The following CDH13 variants were observed in gnomAD, a reference collection of about 807,000 sequenced individuals.
The protein encoded by CDH13 is cadherin-13.
Under a neutral mutation model 63.8 loss-of-function variants are expected in CDH13, and 24 were observed. The observed-to-expected ratio is 0.38, with a 90% CI of 0.27 to 0.53. The LOEUF is 0.53. CDH13 is among the 20% of genes least tolerant of loss of function. The pLI, the probability that CDH13 is intolerant of heterozygous loss-of-function variation, is 0.85. For missense variants in CDH13, 1,049 were observed against 903.1 expected, an observed-to-expected ratio of 1.16 and a Z score of -2.07; for synonymous variants, 503 against 355.3, an observed-to-expected ratio of 1.42 and a Z score of -4.67.
intron 3 of CDH13, among the ~76,000 whole-genome samples, chr16:83,041,321 T>G (rs1917312285): frequency 6.6e-6 from 1 of 152,144 alleles, no homozygotes; most frequent in Non-Finnish European, 1.5e-5. Flanking sequence ...TTGTTCATCA[T>G]CGTTGCAAAC....
At chr16:82,877,215 T>C (rs1331941899) in intron 2 of CDH13, among the ~76,000 whole-genome samples, 2 of 152,208 alleles carry the variant, frequency 1.3e-5, no homozygotes, top group Non-Finnish European at 2.9e-5. Flanking sequence ...GATTTAAGAT[T>C]GTTAGACATA....
In CDH13 at chr16:83,088,538, A is replaced by G. The variant is rs1293243083; in HGVS notation, c.367-36847A>G. Among the ~76,000 whole-genome samples, 5 of 152,310 alleles carry G rather than the reference A, an allele frequency of 3.3e-5. No homozygotes were observed. In the East Asian group the frequency reaches 9.6e-4, roughly 29 times the overall value. The stretch of plus-strand genomic sequence containing the variant: ...CTTAGGTCCAAAAGCCGTTTCTGAT[A>G]CAGCCTTGGGCAAGCTGGTTCCTTC... On this transcript the variant is annotated intron_variant, in intron 3 of 13. Coordinates refer to ENST00000567109, the MANE Select transcript of CDH13 (RefSeq NM_001257.5).
intron 2 of CDH13, among the ~76,000 whole-genome samples, chr16:82,923,564 C>A (rs1389757118): frequency 1.3e-5 from 2 of 152,144 alleles, no homozygotes; most frequent in African/African-American, 4.8e-5. Context: ...GGGCATCAGA[C>A]AAACCATAGT....
At chr16:82,685,729 G>T (rs902644165) in intron 1 of CDH13, among the ~76,000 whole-genome samples, 2 of 152,162 alleles carry the variant, frequency 1.3e-5, no homozygotes, top group African/African-American at 2.4e-5. Context: ...GGCAGCTTTC[G>T]CTTCAGTTGG....
At chr16:83,323,961 C>G (rs891552791) in intron 5 of CDH13, among the ~76,000 whole-genome samples, 1 of 152,104 alleles carries the variant, frequency 6.6e-6, no homozygotes, top group Non-Finnish European at 1.5e-5. Context: ...ACAATTCACC[C>G]ATTGAAAGTG....
chr16:83,416,562 C>T (rs2071556026), intron 6 of CDH13, among the ~76,000 whole-genome samples: 1 of 152,150 alleles, frequency 6.6e-6, no homozygotes. Flanking sequence ...CTGCCATGCC[C>T]ACAGGTCGAG....
Position 83,321,619 on chromosome 16 carries a change from C to T in CDH13, c.637-23243C>T, listed in dbSNP as rs557766728. 4.8e-5 allele frequency among the ~76,000 whole-genome samples: 7 copies of T among 145,712 alleles called. No homozygotes were observed. In the East Asian group the frequency reaches 1.3e-3, roughly 27 times the overall value. Reference sequence around the variant, plus strand: ...TCTTGGCTCACTGCCAGCTCCACATCCTGGGTTCACAACATTCTCCTGCCT... The same window carrying T: ...TCTTGGCTCACTGCCAGCTCCACATTCTGGGTTCACAACATTCTCCTGCCT... On this transcript the variant is annotated intron_variant, in intron 5 of 13. Coordinates refer to ENST00000567109, the MANE Select transcript of CDH13 (RefSeq NM_001257.5).
Position 82,797,774 on chromosome 16 carries a change from CGTGTGT to C in CDH13, c.46-60559_46-60554del, listed in dbSNP as rs3046484. 6.9e-4 allele frequency among the ~76,000 whole-genome samples: 100 copies of C among 145,636 alleles called. 1 individual carries two copies. Among genetic ancestry groups the C allele is most frequent in the African/African-American group, 8.1e-4 (32 of 39,476 alleles). ...AAGGGCCCATGTATGACTTTAGGGC[CGTGTGT>C]GTGTGTGTGTGTGTGTGTGTGTGTG... On this transcript the variant is annotated intron_variant, in intron 1 of 13. Transcript: ENST00000567109.
At chr16:83,294,390 C>A (rs1374387907) in intron 5 of CDH13, among the ~76,000 whole-genome samples, 1 of 152,126 alleles carries the variant, frequency 6.6e-6, no homozygotes, top group Non-Finnish European at 1.5e-5. Flanking sequence ...CCTAACAACT[C>A]CCAATTCCCT....
At chr16:82,647,777 G>C (rs1910268715) in intron 1 of CDH13, among the ~76,000 whole-genome samples, 2 of 152,204 alleles carry the variant, frequency 1.3e-5, no homozygotes, top group African/African-American at 2.4e-5. Context: ...GAAGAGACAG[G>C]AGCTTGGGGT....
intron 7 of CDH13, among the ~76,000 whole-genome samples, chr16:83,489,563 C>T (rs2073963354): frequency 6.6e-6 from 1 of 152,150 alleles, no homozygotes; most frequent in African/African-American, 2.4e-5. Context: ...GAACGTGATT[C>T]CAAGTTCTTG....
At chr16:82,948,227 C>G (rs1335626127) in intron 2 of CDH13, among the ~76,000 whole-genome samples, 3 of 152,120 alleles carry the variant, frequency 2.0e-5, no homozygotes, top group Non-Finnish European at 4.4e-5. Flanking sequence ...CCCAAATCTG[C>G]TTTCTAAATT....
At chr16:83,034,486 C>T (rs1339616166) in intron 3 of CDH13, among the ~76,000 whole-genome samples, 1 of 152,180 alleles carries the variant, frequency 6.6e-6, no homozygotes, top group Non-Finnish European at 1.5e-5. Context: ...CTTACTTAGC[C>T]ATGACCAATG....
intron 1 of CDH13, among the ~76,000 whole-genome samples, chr16:82,734,806 A>G (rs980013473): frequency 3.9e-5 from 6 of 152,194 alleles, no homozygotes; most frequent in Non-Finnish European, 7.3e-5. Flanking sequence ...TTTCAATGGC[A>G]ACAACAGTTA....
chr16:83,008,472 G>A (rs1033307667), intron 2 of CDH13, among the ~76,000 whole-genome samples: 2 of 152,206 alleles, frequency 1.3e-5, no homozygotes, highest in East Asian at 1.9e-4. Flanking sequence ...CAGTGGGGCC[G>A]AGTGACTGAG....
Position 83,233,516 on chromosome 16 carries a change from A to T in CDH13, c.636+16019A>T, listed in dbSNP as rs911910600. Among the ~76,000 whole-genome samples, 24 of 152,176 alleles carry T rather than the reference A, an allele frequency of 1.6e-4. 1 individual carries two copies. Among genetic ancestry groups the T allele is most frequent in the Non-Finnish European group, 2.9e-5 (2 of 68,022 alleles). ...AGGTCAGAAGTCCGACATGGTTCTC[A>T]CTGGGCTAAAACCAAGCTGTGGGCA... On this transcript the variant is annotated intron_variant, in intron 5 of 13. Transcript: ENST00000567109.
intron 12 of CDH13, among the ~76,000 whole-genome samples, chr16:83,781,703 T>TA (rs1226840131): frequency 6.6e-6 from 1 of 152,140 alleles, no homozygotes; most frequent in Non-Finnish European, 1.5e-5. Flanking sequence ...TTTATGGCTA[T>TA]AGCCTATTTG....
At chr16:82,968,025 C>T (rs1230525828) in intron 2 of CDH13, among the ~76,000 whole-genome samples, 2 of 152,228 alleles carry the variant, frequency 1.3e-5, no homozygotes, top group African/African-American at 4.8e-5. Context: ...TGGCGATTCT[C>T]TAATGGCATG....
intron 4 of CDH13, among the ~76,000 whole-genome samples, chr16:83,207,767 A>G (rs867404447): frequency 2.9e-5 from 4 of 140,312 alleles, no homozygotes; most frequent in Non-Finnish European, 6.0e-5. Context: ...CTCCTTAAAA[A>G]AAAAAAAAAA....
Sources: allele counts gnomAD v4.1 joint callset (sites outside exome capture counted in the v4.1 genomes callset), GRCh38; gene constraint gnomAD v4.1.1; transcripts MANE v1.5; gene names NCBI Gene and HGNC (gene_info 2026-07-23, HGNC 2026-07-21).